Variants in PTPRM observed in about 807,000 individuals in gnomAD.
The protein encoded by PTPRM is protein tyrosine phosphatase receptor type M.
In PTPRM, 47 loss-of-function variants were observed where a neutral mutation model predicts 186.7. The observed-to-expected ratio is 0.25, with a 90% CI of 0.20 to 0.32. PTPRM has a LOEUF of 0.32. Among genes scored for constraint, PTPRM ranks in the 10% least tolerant of loss-of-function variants. The pLI, the probability that PTPRM is intolerant of heterozygous loss-of-function variation, is 1.00. For missense variants in PTPRM, 1,494 were observed against 1,865.0 expected (o/e 0.80, Z 3.66); for synonymous variants, 668 against 674.9 (o/e 0.99, Z 0.16).
chr18:8,083,950 T>C (rs942894570), intron 9 of PTPRM, among the ~76,000 whole-genome samples: 1 of 152,114 alleles, frequency 6.6e-6, no homozygotes, highest in African/African-American at 2.4e-5. Flanking sequence ...ACTAAGGAGT[T>C]TGGGCTTTCT....
At position 8,387,141 on chromosome 18, in the gene PTPRM, G is replaced by C; in HGVS notation, c.4114G>C (p.Val1372Leu). 6.2e-7 allele frequency: 1 copy of C among 1,612,324 alleles called. No homozygotes were observed. The highest frequency in any genetic ancestry group is 8.5e-7 in the Non-Finnish European group (1 of 1,178,288). ...CTGGCCGATGTACAGGGACACACCAGTGTCTAAGCGCTCCTTCTTGAAGCT... is the reference window on the plus strand; with the variant it reads ...CTGGCCGATGTACAGGGACACACCACTGTCTAAGCGCTCCTTCTTGAAGCT... ...LGWPMYRDTP[V>L]SKRSFLKLIR... The change falls in exon 31 of 33, where the codon GTG (valine) becomes CTG (leucine). Residue 1372 changes from valine to leucine, a missense_variant. Val to Leu is a conservative substitution (Grantham distance 32). Around this residue, in one of 3 missense-constraint regions of PTPRM, gnomAD observed 1,107 missense variants for 1,350.2 expected, o/e 0.82. Transcript: ENST00000580170.
At chr18:8,033,217 A>T (rs1032179204) in intron 7 of PTPRM, among the ~76,000 whole-genome samples, 3 of 152,214 alleles carry the variant, frequency 2.0e-5, no homozygotes, top group Non-Finnish European at 4.4e-5. Flanking sequence ...TGGGCAAAGG[A>T]TTATAACAGG....
intron 1 of PTPRM, among the ~76,000 whole-genome samples, chr18:7,662,099 T>C (rs1410540342): frequency 7.0e-6 from 1 of 143,516 alleles, no homozygotes; most frequent in Non-Finnish European, 1.5e-5. Context: ...CCTGGCTAAA[T>C]TTTTTTTTGT....
At chr18:7,616,450 G>A (rs2037807489) in intron 1 of PTPRM, among the ~76,000 whole-genome samples, 1 of 152,130 alleles carries the variant, frequency 6.6e-6, no homozygotes, top group South Asian at 2.1e-4. Context: ...TTTCAGACAT[G>A]CCACAATGCT....
chr18:8,040,715 T>C (rs2086638861), intron 7 of PTPRM, among the ~76,000 whole-genome samples: 1 of 152,206 alleles, frequency 6.6e-6, no homozygotes, highest in African/African-American at 2.4e-5. Flanking sequence ...CTATTTCTGT[T>C]CATTCTGGAC....
Position 8,261,240 on chromosome 18 carries a change from A to C in PTPRM, c.2754+7826A>C, listed in dbSNP as rs538757063. Among the ~76,000 whole-genome samples, 36 of 152,308 alleles carry C rather than the reference A, an allele frequency of 2.4e-4. No homozygotes were observed. The East Asian group carries it at 3.7e-3, about 16-fold the overall frequency. On this transcript the variant is annotated intron_variant, in intron 19 of 32. Coordinates refer to ENST00000580170, the MANE Select transcript of PTPRM (RefSeq NM_001105244.2). Reference sequence around the variant, plus strand: ...AACAAAACCAAACCATTGAAGGCTAAGGATGGGGAGCTGGGGGTGGGGAGG... The same window carrying C: ...AACAAAACCAAACCATTGAAGGCTACGGATGGGGAGCTGGGGGTGGGGAGG...
chr18:7,650,505 ACT>A (rs1477258775), intron 1 of PTPRM, among the ~76,000 whole-genome samples: 1 of 146,186 alleles, frequency 6.8e-6, no homozygotes, highest in Non-Finnish European at 1.5e-5. Flanking sequence ...AAATAATAAA[ACT>A]CTGATATCTT....
intron 22 of PTPRM, among the ~76,000 whole-genome samples, chr18:8,321,287 G>T (rs1290405436): frequency 6.6e-6 from 1 of 152,118 alleles, no homozygotes; most frequent in Non-Finnish European, 1.5e-5. Flanking sequence ...ACATTAAGTT[G>T]CTCTTATTTG....
At chr18:7,708,565 T>C (rs1211069067) in intron 1 of PTPRM, among the ~76,000 whole-genome samples, 1 of 152,144 alleles carries the variant, frequency 6.6e-6, no homozygotes, top group Admixed American at 6.5e-5. Flanking sequence ...ATAATGAGTG[T>C]TGAAACTGGT....
chr18:8,175,826 G>A (rs947986018), intron 14 of PTPRM, among the ~76,000 whole-genome samples: 4 of 152,156 alleles, frequency 2.6e-5, no homozygotes, highest in African/African-American at 4.8e-5. Context: ...GTATTTTAGC[G>A]TGAGAATTGT....
At chr18:7,629,226 AGGGAAGAAC>A (rs2038133160) in intron 1 of PTPRM, among the ~76,000 whole-genome samples, 1 of 152,218 alleles carries the variant, frequency 6.6e-6, no homozygotes, top group Non-Finnish European at 1.5e-5. Context: ...AGGTCAATGT[AGGGAAGAAC>A]CATCTAACCT....
intron 2 of PTPRM, among the ~76,000 whole-genome samples, chr18:7,856,334 G>A (rs565292217): frequency 2.0e-5 from 3 of 152,272 alleles, no homozygotes; most frequent in Non-Finnish European, 4.4e-5. Flanking sequence ...AACTATGATA[G>A]CAGTTTGAAC....
At chr18:8,348,967 C>G (rs1424331826) in intron 23 of PTPRM, among the ~76,000 whole-genome samples, 1 of 152,134 alleles carries the variant, frequency 6.6e-6, no homozygotes, top group African/African-American at 2.4e-5. Context: ...TGGGAAGAAA[C>G]CACCTACATG....
At chr18:7,659,252 G>T (rs532138993) in intron 1 of PTPRM, among the ~76,000 whole-genome samples, 2 of 152,014 alleles carry the variant, frequency 1.3e-5, no homozygotes, top group Non-Finnish European at 2.9e-5. Flanking sequence ...ACTAGTATGT[G>T]AGTCCATGAA....
At chr18:8,246,407 C>T (rs2094477026) in intron 15 of PTPRM, among the ~76,000 whole-genome samples, 1 of 152,104 alleles carries the variant, frequency 6.6e-6, no homozygotes, top group Admixed American at 6.5e-5. Flanking sequence ...ATGAGTTGCA[C>T]TATCTGCTTT....
chr18:8,403,948 A>G (rs556890523), intron 32 of PTPRM: 31 of 152,278 alleles, frequency 2.0e-4, no homozygotes, highest in African/African-American at 7.0e-4. Context: ...GCTATACTAC[A>G]TTTTATTGAT....
chr18:8,359,768 G>A (rs975799567), intron 23 of PTPRM, among the ~76,000 whole-genome samples: 13 of 152,200 alleles, frequency 8.5e-5, no homozygotes, highest in Non-Finnish European at 1.3e-4. Flanking sequence ...GGAGTTTCCC[G>A]GCACCATCAT....
intron 23 of PTPRM, among the ~76,000 whole-genome samples, chr18:8,362,744 TTTAAAATTTTAA>T: frequency 6.6e-6 from 1 of 152,362 alleles, no homozygotes; most frequent in South Asian, 2.1e-4. Flanking sequence ...AGTTTTCATT[TTTAAAATTTTAA>T]TGAACATTTA....
intron 19 of PTPRM, among the ~76,000 whole-genome samples, chr18:8,257,543 G>T (rs1374001110): frequency 6.6e-6 from 1 of 152,130 alleles, no homozygotes; most frequent in Non-Finnish European, 1.5e-5. Flanking sequence ...AAAGGAGAAA[G>T]GGAATGTGTA....
Sources: gnomAD v4.1 joint callset for allele counts (sites outside exome capture counted in the v4.1 genomes callset) on GRCh38, gnomAD v4.1.1 for gene constraint, gnomAD v4.1.1 regional missense constraint, MANE v1.5 for transcripts, NCBI Gene and HGNC (gene_info 2026-07-23, HGNC 2026-07-21) for gene names.